Variants in RAI2 observed in about 807,000 individuals in gnomAD.
RAI2 encodes the protein retinoic acid induced 2, also known as retinoic acid-induced protein 2.
Under a neutral mutation model 15.3 loss-of-function variants are expected in RAI2, and 5 were observed. The ratio of observed to expected loss-of-function variants is 0.33; its 90% CI spans 0.17 to 0.69. The LOEUF (loss-of-function observed/expected upper bound fraction) is 0.69, where lower values mean the gene tolerates loss of function less well. RAI2 is among the 30% of genes least tolerant of loss of function. RAI2 has a pLI of 0.69. For missense variants in RAI2, 424 were observed against 424.7 expected (o/e 1.00, Z 0.01); for synonymous variants, 191 against 184.0 (o/e 1.04, Z -0.31).
chrX:17,852,217 T>C (rs186347525), intron 1 of RAI2, among the ~76,000 whole-genome samples: 1 of 112,203 alleles, frequency 8.9e-6, no homozygotes, highest in Admixed American at 9.4e-5. Flanking sequence ...GTTGCCTCTC[T>C]CTTCATGGCG....
chrX:17,859,689 C>A (rs1244875780), intron 1 of RAI2, among the ~76,000 whole-genome samples: 1 of 112,682 alleles, frequency 8.9e-6, no homozygotes, highest in Non-Finnish European at 1.9e-5. Flanking sequence ...CGCACTGCCG[C>A]AAGCCGCCCC....
At chrX:17,810,531 T>C (rs1343449160) in intron 1 of RAI2, among the ~76,000 whole-genome samples, 4 of 112,542 alleles carry the variant, frequency 3.6e-5, no homozygotes. Flanking sequence ...TTTCCTCTTT[T>C]GTAACATGGG....
At chrX:17,845,998 T>C (rs1382757117) in intron 1 of RAI2, among the ~76,000 whole-genome samples, 2 of 111,902 alleles carry the variant, frequency 1.8e-5, no homozygotes, top group Non-Finnish European at 3.8e-5. Context: ...AAGAATGGCA[T>C]AGGGCGGTCT....
At chrX:17,805,024 G>T (rs2066961207) in intron 1 of RAI2, among the ~76,000 whole-genome samples, 1 of 113,047 alleles carries the variant, frequency 8.8e-6, no homozygotes, top group Non-Finnish European at 1.9e-5. Context: ...CAGGCCCTCT[G>T]TTGAGAACAA....
intron 1 of RAI2, among the ~76,000 whole-genome samples, chrX:17,838,683 C>A (rs866830090): frequency 7.5e-5 from 8 of 106,916 alleles, no homozygotes; most frequent in Non-Finnish European, 1.3e-4. Context: ...CACACACACA[C>A]AAAACACAGC....
At chrX:17,802,667 C>T (rs927478447) in intron 1 of RAI2, among the ~76,000 whole-genome samples, 2 of 111,800 alleles carry the variant, frequency 1.8e-5, no homozygotes, top group African/African-American at 3.3e-5. Context: ...TCGATGATGA[C>T]TTGCATGAAT....
At chrX:17,823,792 G>A (rs2067196822) in intron 1 of RAI2, among the ~76,000 whole-genome samples, 1 of 111,803 alleles carries the variant, frequency 8.9e-6, no homozygotes, top group Admixed American at 9.5e-5. Context: ...GTTGGGCCTG[G>A]GCATCAGGAT....
chrX:17,826,530 G>A (rs1340353971), intron 1 of RAI2, among the ~76,000 whole-genome samples: 5 of 111,089 alleles, frequency 4.5e-5, no homozygotes, highest in Admixed American at 3.8e-4. Context: ...GGGAGGGAGG[G>A]AGCAAGAGAG....
chrX:17,842,615 A>T (rs1187954354), intron 1 of RAI2, among the ~76,000 whole-genome samples: 1 of 107,389 alleles, frequency 9.3e-6, no homozygotes, highest in African/African-American at 3.4e-5. Flanking sequence ...TGAATTGTAA[A>T]GCTCCAAACT....
rs756998031 is a variant in RAI2 at position 17,802,590 on chromosome X, C to CT, written c.-24-557dup. Among the ~76,000 whole-genome samples the CT allele has an allele frequency of 1.7e-3, 188 of 112,203 alleles. 1 individual carries two copies. Among genetic ancestry groups the CT allele is most frequent in the Non-Finnish European group, 1.9e-3 (103 of 53,240 alleles). On this transcript the variant is annotated intron_variant, in intron 1 of 1. Coordinates refer to ENST00000451717, the MANE Select transcript of RAI2 (RefSeq NM_021785.6). ...TCATTACAGTTGTCTCTCTGTCTCC[C>CT]TCTGACCAATGACATTCCCATTTCT...
intron 1 of RAI2, among the ~76,000 whole-genome samples, chrX:17,831,340 T>G (rs971972175): frequency 9.8e-5 from 11 of 112,074 alleles, no homozygotes; most frequent in African/African-American, 3.6e-4. Context: ...CTGCCATATA[T>G]TTCTAGTACA....
intron 1 of RAI2, among the ~76,000 whole-genome samples, chrX:17,845,444 A>G (rs1235743352): frequency 1.8e-5 from 2 of 112,175 alleles, no homozygotes; most frequent in Non-Finnish European, 3.8e-5. Flanking sequence ...TCCTAAGATG[A>G]GTGTGTCACC....
chrX:17,835,106 A>G (rs976689338), intron 1 of RAI2, among the ~76,000 whole-genome samples: 2 of 112,053 alleles, frequency 1.8e-5, no homozygotes, highest in African/African-American at 6.5e-5. Context: ...TCAGTGAGTG[A>G]TCACCATTGT....
intron 1 of RAI2, among the ~76,000 whole-genome samples, chrX:17,830,996 T>C (rs2067276792): frequency 8.9e-6 from 1 of 112,321 alleles, no homozygotes; most frequent in Admixed American, 9.4e-5. Context: ...AACTATCCTC[T>C]AGAAAAACCA....
Position 17,800,715 on chromosome X carries a change from G to A in RAI2, c.1296C>T (p.Gly432=), listed in dbSNP as rs779019054. The change falls in exon 2 of 2, where the codon GGC becomes GGT. Residue 432 remains glycine (G), a synonymous_variant. Coordinates refer to ENST00000451717, the MANE Select transcript of RAI2 (RefSeq NM_021785.6). ...VKAENNIEMV[G]ESQAAKVIVS... ...CAATGACCTTGGCCGCCTGGGACTCGCCCACCATCTCAATGTTATTTTCAG... is the reference window on the plus strand; with the variant it reads ...CAATGACCTTGGCCGCCTGGGACTCACCCACCATCTCAATGTTATTTTCAG... 10 of 1,209,515 alleles carry A rather than the reference G, an allele frequency of 8.3e-6. No homozygotes were observed. Among genetic ancestry groups the A allele is most frequent in the East Asian group, 5.9e-5 (2 of 33,780 alleles).
chrX:17,808,645 C>T (rs993745878), intron 1 of RAI2, among the ~76,000 whole-genome samples: 10 of 110,320 alleles, frequency 9.1e-5, no homozygotes, highest in Non-Finnish European at 1.7e-4. Flanking sequence ...CCCCGGCCCC[C>T]GCAGTGTCTC....
At chrX:17,859,034 G>T (rs967820755) in intron 1 of RAI2, among the ~76,000 whole-genome samples, 3 of 111,518 alleles carry the variant, frequency 2.7e-5, no homozygotes, top group African/African-American at 9.8e-5. Flanking sequence ...GTATGTGGGG[G>T]TGTGGGGGCA....
intron 1 of RAI2, among the ~76,000 whole-genome samples, chrX:17,845,814 C>T (rs756331865): frequency 3.8e-4 from 42 of 111,960 alleles, no homozygotes; most frequent in Non-Finnish European, 6.8e-4. Context: ...ATTTTAAGGA[C>T]GTAGGAATGC....
chrX:17,852,961 A>G (rs1169573537), intron 1 of RAI2, among the ~76,000 whole-genome samples: 1 of 109,779 alleles, frequency 9.1e-6, no homozygotes, highest in African/African-American at 3.3e-5. Context: ...GTCCATTACA[A>G]TATTACGAGC....
Sources: gnomAD v4.1 joint callset for allele counts (sites outside exome capture counted in the v4.1 genomes callset) on GRCh38, gnomAD v4.1.1 for gene constraint, MANE v1.5 for transcripts, NCBI Gene and HGNC (gene_info 2026-07-23, HGNC 2026-07-21) for gene names.